The following ANO5 variants were observed in gnomAD, a reference collection of about 807,000 sequenced individuals.
ANO5 encodes anoctamin 5.
In ANO5, 109 loss-of-function variants were observed where a neutral mutation model predicts 121.0. The ratio of observed to expected loss-of-function variants is 0.90; its 90% CI spans 0.77 to 1.06. ANO5 has a LOEUF of 1.06. Among genes scored for constraint, ANO5 ranks in the 50% least tolerant of loss-of-function variants. The pLI is 0.00. For synonymous variants in ANO5, 406 were observed against 359.9 expected, an observed-to-expected ratio of 1.13 and a Z score of -1.45; for missense variants, 1,064 against 1,078.5, an observed-to-expected ratio of 0.99 and a Z score of 0.19.
intron 18 of ANO5, among the ~76,000 whole-genome samples, chr11:22,271,119 C>G (rs1310196798): frequency 1.3e-5 from 2 of 152,194 alleles, no homozygotes; most frequent in African/African-American, 4.8e-5. Context: ...GCTGCCCAAT[C>G]TCGGCTCACT....
At chr11:22,265,749 A>G (rs1292611074) in intron 17 of ANO5, among the ~76,000 whole-genome samples, 2 of 152,122 alleles carry the variant, frequency 1.3e-5, no homozygotes, top group Non-Finnish European at 1.5e-5. Context: ...TCTAAAATTT[A>G]TATGGATGGC....
intron 14 of ANO5, among the ~76,000 whole-genome samples, chr11:22,259,046 T>C (rs1854098461): frequency 6.9e-6 from 1 of 145,014 alleles, no homozygotes; most frequent in Admixed American, 7.1e-5. Flanking sequence ...GGCAGGAGAA[T>C]CCCTTGAACC....
At chr11:22,262,422 C>A in intron 16 of ANO5, 124 bp downstream of exon 16, 1 of 981,544 alleles carries the variant, frequency 1.0e-6, no homozygotes, top group Non-Finnish European at 1.5e-6. Flanking sequence ...CTGACTCTAT[C>A]CACAGAGAGT....
chr11:22,279,042 C>T (rs1854976131), intron 21 of ANO5, among the ~76,000 whole-genome samples: 1 of 151,682 alleles, frequency 6.6e-6, no homozygotes, highest in Non-Finnish European at 1.5e-5. Context: ...AGAAAGGCTC[C>T]AAAAATTCAA....
At chr11:22,204,912 C>T (rs1280668063) in intron 2 of ANO5, among the ~76,000 whole-genome samples, 3 of 152,042 alleles carry the variant, frequency 2.0e-5, no homozygotes, top group African/African-American at 7.2e-5. Context: ...TTCATTGTAG[C>T]ACTATTCACA....
chr11:22,245,709 C>G (rs1408660254), intron 9 of ANO5, among the ~76,000 whole-genome samples: 2 of 152,128 alleles, frequency 1.3e-5, no homozygotes, highest in Non-Finnish European at 2.9e-5. Context: ...AACAGAGTTT[C>G]TAGCACTAGA....
At chr11:22,253,426 G>T (rs1186177190) in intron 12 of ANO5, among the ~76,000 whole-genome samples, 4 of 152,090 alleles carry the variant, frequency 2.6e-5, no homozygotes, top group East Asian at 3.8e-4. Flanking sequence ...TAAATGATTA[G>T]TGTATTTAAA....
intron 3 of ANO5, among the ~76,000 whole-genome samples, chr11:22,213,145 A>G (rs1448477333): frequency 6.6e-6 from 1 of 151,762 alleles, no homozygotes; most frequent in East Asian, 1.9e-4. Context: ...ATTTTCTCCT[A>G]TTATTAGAAT....
At chr11:22,195,484 AG>A (rs1478743798) in intron 1 of ANO5, among the ~76,000 whole-genome samples, 1 of 151,878 alleles carries the variant, frequency 6.6e-6, no homozygotes, top group Non-Finnish European at 1.5e-5. Flanking sequence ...GCTGTAATGC[AG>A]GGGCATCATC....
chr11:22,213,309 G>C (rs1476840066), intron 3 of ANO5, among the ~76,000 whole-genome samples: 1 of 151,824 alleles, frequency 6.6e-6, no homozygotes, highest in Non-Finnish European at 1.5e-5. Context: ...ATTGCACTTA[G>C]TAGTCATGTC....
intron 7 of ANO5, among the ~76,000 whole-genome samples, chr11:22,229,815 A>G (rs1590250016): frequency 6.6e-6 from 1 of 152,090 alleles, no homozygotes; most frequent in East Asian, 1.9e-4. Context: ...TTCATAGTGT[A>G]GCAACATTGT....
chr11:22,262,425 C>A, intron 16 of ANO5, 127 bp downstream of exon 16: 1 of 969,796 alleles, frequency 1.0e-6, no homozygotes, highest in South Asian at 1.6e-5. Flanking sequence ...ACTCTATCCA[C>A]AGAGAGTATT....
rs1482311705 is a variant in ANO5, at chr11:22,281,743, A to G, written c.*1978A>G. 6.6e-6 allele frequency: 1 copy of G among 152,120 alleles called. No homozygotes were observed. Among genetic ancestry groups the G allele is most frequent in the Non-Finnish European group, 1.5e-5 (1 of 67,958 alleles). 9.4% of individuals were successfully genotyped at this position (152,120 alleles called of 1,614,324 possible). A position where few individuals can be genotyped will look rare whatever the true frequency, so the allele number is the denominator to read the frequency against. On this transcript the variant is annotated 3_prime_UTR_variant, in exon 22 of 22. Coordinates refer to ENST00000324559, the MANE Select transcript of ANO5 (RefSeq NM_213599.3). ...CATAGAGGTAGACTGTATGATAAATAAAAACAAATTTAATTCACAAAGTTA... is the reference window on the plus strand; with the variant it reads ...CATAGAGGTAGACTGTATGATAAATGAAAACAAATTTAATTCACAAAGTTA...
At chr11:22,257,888 G>T (rs1854056905) in intron 14 of ANO5, 134 bp downstream of exon 14, 3 of 728,408 alleles carry the variant, frequency 4.1e-6, no homozygotes, top group African/African-American at 1.8e-5. Flanking sequence ...CTTGGTTATA[G>T]CTCTTATACA....
chr11:22,230,050 T>C (rs952204689), intron 7 of ANO5, among the ~76,000 whole-genome samples: 7 of 151,766 alleles, frequency 4.6e-5, no homozygotes, highest in African/African-American at 7.3e-5. Context: ...ATATGTGATA[T>C]GTTTGTTTAT....
At chr11:22,275,218 G>C (rs964204296) in intron 20 of ANO5, among the ~76,000 whole-genome samples, 7 of 151,778 alleles carry the variant, frequency 4.6e-5, no homozygotes, top group South Asian at 2.1e-4. Context: ...GTTTTATACT[G>C]TATAGGGAAT....
chr11:22,282,776 G>GTTGA lies in ANO5; in HGVS notation c.*3016_*3019dup, dbSNP rs1855126952. On this transcript the variant is annotated 3_prime_UTR_variant, in exon 22 of 22. Transcript: ENST00000324559. ...GTGCTATGAGTAGGTATGGATCTCT[G>GTTGA]TTGATTGACTCCAGTTGAAGGTGAG... is the stretch of plus-strand genomic sequence containing the variant. 2 of 152,188 alleles carry GTTGA rather than the reference G, an allele frequency of 1.3e-5. No homozygotes were observed. Among genetic ancestry groups the GTTGA allele is most frequent in the African/African-American group, 2.4e-5 (1 of 41,454 alleles). The allele number at this position is 152,188 out of a possible 1,614,324, so 9.4% of individuals were successfully genotyped here.
In ANO5 at chr11:22,280,168, A is replaced by C. The variant is rs1330391076; in HGVS notation, c.*403A>C. On this transcript the variant is annotated 3_prime_UTR_variant, in exon 22 of 22. Coordinates refer to ENST00000324559, the MANE Select transcript of ANO5 (RefSeq NM_213599.3). ...ATTTGATACCTCCTTCCCCATTAAGAAAAATGTTGGGGCAAAAAGAAATGG... is the reference window on the plus strand; with the variant it reads ...ATTTGATACCTCCTTCCCCATTAAGCAAAATGTTGGGGCAAAAAGAAATGG... The C allele has an allele frequency of 5.5e-6, 1 of 182,820 alleles. No individual in the cohort carries two copies. Among genetic ancestry groups the C allele is most frequent in the African/African-American group, 2.4e-5 (1 of 41,726 alleles). The allele number at this position is 182,820 out of a possible 1,614,324, so 11.3% of individuals were successfully genotyped here.
At chr11:22,222,661 C>T (rs1314018039) in intron 5 of ANO5, among the ~76,000 whole-genome samples, 1 of 151,896 alleles carries the variant, frequency 6.6e-6, no homozygotes, top group Admixed American at 6.6e-5. Context: ...GTTACATATC[C>T]CGCCAAGTCC....
Sources: gnomAD v4.1 joint callset for allele counts (sites outside exome capture counted in the v4.1 genomes callset) on GRCh38, gnomAD v4.1.1 for gene constraint, MANE v1.5 for transcripts, NCBI Gene and HGNC (gene_info 2026-07-23, HGNC 2026-07-21) for gene names.